GRM7: variants seen among roughly 807,000 people sequenced by gnomAD.
GRM7 encodes the protein glutamate metabotropic receptor 7.
In GRM7, 35 loss-of-function variants were observed where a neutral mutation model predicts 84.5. That is an observed-to-expected ratio of 0.41 (90% confidence interval 0.32 to 0.55). The LOEUF is 0.55. Ranked by LOEUF, GRM7 falls within the 20% of genes least tolerant of loss-of-function variation. The probability of loss-of-function intolerance (pLI) is 0.19; values close to 1 mark genes in which losing one functional copy is unlikely to be tolerated. For synonymous variants in GRM7, 487 were observed against 455.1 expected, an observed-to-expected ratio of 1.07 and a Z score of -0.89; for missense variants, 1,003 against 1,194.6, an observed-to-expected ratio of 0.84 and a Z score of 2.36.
At chr3:7,013,275 A>C (rs1695448310) in intron 1 of GRM7, among the ~76,000 whole-genome samples, 1 of 151,968 alleles carries the variant, frequency 6.6e-6, no homozygotes, top group Non-Finnish European at 1.5e-5. Context: ...TTTTATAAGG[A>C]CCTTAGCCAT....
intron 1 of GRM7, among the ~76,000 whole-genome samples, chr3:6,891,579 G>T (rs1453936044): frequency 6.6e-6 from 1 of 152,190 alleles, no homozygotes; most frequent in African/African-American, 2.4e-5. Context: ...CTTCTGGCTT[G>T]TAGAGTTTCT....
Position 6,861,665 on chromosome 3 carries a change from C to A in GRM7, c.277C>A (p.Pro93Thr), listed in dbSNP as rs1230998245. The stretch of plus-strand genomic sequence containing the variant: ...CGCCCTGGACCAGATCAACAGTGAT[C>A]CCAACCTACTGCCCAACGTGACGCT... The part of the protein sequence containing the change: ...LYALDQINSD[P>T]NLLPNVTLGA... The change falls in exon 1 of 10, where the codon CCC becomes ACC. Residue 93 changes from proline (P) to threonine (T), a missense_variant. Pro to Thr is a conservative substitution (Grantham distance 38). This residue lies in a region of GRM7 where 910 missense variants were observed against 1,126.0 expected (regional missense o/e 0.81). Coordinates refer to ENST00000357716, the MANE Select transcript of GRM7 (RefSeq NM_000844.4). This position sits in a 1 kb window ranked among gnomAD's most constrained non-coding sequence, Gnocchi z 6.4. 6.2e-7 allele frequency: 1 copy of A among 1,614,004 alleles called. No individual in the cohort carries two copies. Among genetic ancestry groups the A allele is most frequent in the Admixed American group, 1.7e-5 (1 of 60,018 alleles).
chr3:7,579,157 A>T lies in GRM7; in HGVS notation c.2251A>T (p.Ile751Phe), dbSNP rs755127570. The stretch of plus-strand genomic sequence containing the variant: ...AGCCAGAGGGGTTCTCAAGTGTGAC[A>T]TTACAGATCTCCAAATCATTTGCTC... ...EQARGVLKCDITDLQIICSLG... is the reference protein window; with the variant it reads ...EQARGVLKCDFTDLQIICSLG... Residue 751 changes from isoleucine (I) to phenylalanine (F), a missense_variant, in exon 8 of 10, where the codon ATT (isoleucine) becomes TTT (phenylalanine). Ile to Phe is a conservative substitution (Grantham distance 21, BLOSUM62 0). Coordinates refer to ENST00000357716, the MANE Select transcript of GRM7 (RefSeq NM_000844.4). The T allele has an allele frequency of 2.5e-6, 4 of 1,613,954 alleles. No individual in the cohort carries two copies. The highest frequency in any genetic ancestry group is 3.4e-6 in the Non-Finnish European group (4 of 1,179,834).
At chr3:7,337,661 A>C (rs1370716041) in intron 4 of GRM7, among the ~76,000 whole-genome samples, 2 of 152,164 alleles carry the variant, frequency 1.3e-5, no homozygotes, top group East Asian at 3.9e-4. Flanking sequence ...AAAATGCTAA[A>C]CATCATTAGT....
intron 5 of GRM7, among the ~76,000 whole-genome samples, chr3:7,443,489 AT>A (rs1009576895): frequency 5.9e-5 from 9 of 151,946 alleles, no homozygotes; most frequent in African/African-American, 1.9e-4. Context: ...ATGTTTCTCA[AT>A]TTTTTTGTAA....
At chr3:6,867,995 T>G (rs1694994128) in intron 1 of GRM7, among the ~76,000 whole-genome samples, 1 of 152,230 alleles carries the variant, frequency 6.6e-6, no homozygotes, top group Non-Finnish European at 1.5e-5. Context: ...ATAGGATATA[T>G]GTCACATTTT....
chr3:6,945,669 A>AGTC (rs1698050505), intron 1 of GRM7, among the ~76,000 whole-genome samples: 1 of 152,114 alleles, frequency 6.6e-6, no homozygotes, highest in Non-Finnish European at 1.5e-5. Flanking sequence ...ACTAGTTTAC[A>AGTC]GTCCCACCAA....
At chr3:7,032,591 G>GT (rs1276850365) in intron 1 of GRM7, among the ~76,000 whole-genome samples, 3 of 151,988 alleles carry the variant, frequency 2.0e-5, no homozygotes, top group African/African-American at 4.8e-5. Flanking sequence ...TTCCCAGGGC[G>GT]TTTTTTTCAG....
At chr3:7,495,744 G>T (rs1311339991) in intron 7 of GRM7, among the ~76,000 whole-genome samples, 1 of 152,182 alleles carries the variant, frequency 6.6e-6, no homozygotes, top group Non-Finnish European at 1.5e-5. Context: ...TACCTTGAAC[G>T]TCTTCTGTTG....
At position 7,628,991 on chromosome 3, in the gene GRM7, C is replaced by A. The variant is rs568028667; in HGVS notation, c.2451+49634C>A. On this transcript the variant is annotated intron_variant, in intron 8 of 9. Coordinates refer to ENST00000357716, the MANE Select transcript of GRM7 (RefSeq NM_000844.4). Reference sequence around the variant, plus strand: ...GCATGAGGATACATATTGCAAATCTCTACCTACTCCATCCTCAAACTTTGC... The same window carrying A: ...GCATGAGGATACATATTGCAAATCTATACCTACTCCATCCTCAAACTTTGC... 3.0e-4 allele frequency among the ~76,000 whole-genome samples: 45 copies of A among 152,232 alleles called. 1 individual carries two copies. The highest frequency in any genetic ancestry group is 1.1e-3 in the African/African-American group (45 of 41,526).
chr3:7,542,914 G>A (rs558016543), intron 7 of GRM7, among the ~76,000 whole-genome samples: 53 of 152,156 alleles, frequency 3.5e-4, no homozygotes, highest in Middle Eastern at 3.4e-3. Flanking sequence ...ATCGACTTGC[G>A]TACTTTCTGC....
At chr3:7,217,290 G>C (rs1286849522) in intron 2 of GRM7, among the ~76,000 whole-genome samples, 4 of 152,142 alleles carry the variant, frequency 2.6e-5, no homozygotes, top group Admixed American at 1.3e-4. Flanking sequence ...ACTAAAGTGT[G>C]TACTGACTGA....
intron 4 of GRM7, among the ~76,000 whole-genome samples, chr3:7,404,415 C>A (rs1225945898): frequency 6.6e-6 from 1 of 152,134 alleles, no homozygotes; most frequent in Non-Finnish European, 1.5e-5. Context: ...AGGCTGACAG[C>A]CTTTCTGAGA....
intron 1 of GRM7, among the ~76,000 whole-genome samples, chr3:6,988,328 T>G (rs1694506417): frequency 6.6e-6 from 1 of 151,830 alleles, no homozygotes; most frequent in Non-Finnish European, 1.5e-5. Flanking sequence ...CTTTTGCAGG[T>G]CATCATGGAC....
intron 1 of GRM7, among the ~76,000 whole-genome samples, chr3:6,989,357 A>C (rs712751): frequency 0.6 from 91,875 of 152,102 alleles, 29,591 homozygotes; most frequent in African/African-American, 0.85. Flanking sequence ...AGGTTATCCT[A>C]AGCTTATAAA....
chr3:7,639,163 C>A (rs1698247335), intron 8 of GRM7, among the ~76,000 whole-genome samples: 1 of 152,186 alleles, frequency 6.6e-6, no homozygotes, highest in African/African-American at 2.4e-5. Flanking sequence ...CTCCCCATTT[C>A]TCCACTATCA....
At chr3:7,089,164 G>A (rs1163234443) in intron 1 of GRM7, among the ~76,000 whole-genome samples, 2 of 152,076 alleles carry the variant, frequency 1.3e-5, no homozygotes, top group Non-Finnish European at 2.9e-5. Context: ...ATTTCAAAGA[G>A]CTTGCACTGA....
intron 1 of GRM7, among the ~76,000 whole-genome samples, chr3:7,097,172 T>A (rs2125015369): frequency 6.6e-6 from 1 of 152,020 alleles, no homozygotes; most frequent in African/African-American, 2.4e-5. Context: ...AGATGGAGAG[T>A]GGTAGACTGA....
chr3:7,454,090 A>ACACACTCTCTCTCTCTCTCTCT lies in GRM7; in HGVS notation c.1375+1284_1375+1285insACACTCTCTCTCTCTCTCTCTC, dbSNP rs1365192243. On this transcript the variant is annotated intron_variant, in intron 6 of 9. Transcript: ENST00000357716. ...ACCATACATGAAAAGCTACACACAC[A>ACACACTCTCTCTCTCTCTCTCT]CTCTCTCTCTCTCTCTCTCTCTCTC... 1.1e-4 allele frequency among the ~76,000 whole-genome samples: 15 copies of ACACACTCTCTCTCTCTCTCTCT among 140,202 alleles called. No homozygotes were observed. The East Asian group carries it at 2.1e-3, about 20-fold the overall frequency. The allele number at this position is 140,202 out of a possible 152,430, so 92.0% of individuals were successfully genotyped here.
Sources: allele counts gnomAD v4.1 joint callset (sites outside exome capture counted in the v4.1 genomes callset), GRCh38; gene constraint gnomAD v4.1.1; regional missense constraint gnomAD v4.1.1; non-coding constraint Gnocchi (gnomAD v3.1); transcripts MANE v1.5; gene names NCBI Gene and HGNC (gene_info 2026-07-23, HGNC 2026-07-21).